The following SCHIP1 variants were observed in gnomAD, a reference collection of about 807,000 sequenced individuals.
SCHIP1 encodes the protein schwannomin interacting protein 1, also known as schwannomin-interacting protein 1.
SCHIP1 carries 8 observed loss-of-function variants against 29.7 expected under a neutral mutation model. That is an observed-to-expected ratio of 0.27 (90% CI 0.16 to 0.49). The LOEUF is 0.49. SCHIP1 is among the 20% of genes least tolerant of loss of function. SCHIP1 has a pLI of 0.99. For missense variants in SCHIP1, 193 were observed against 294.6 expected (o/e 0.66, Z 2.52); for synonymous variants, 76 against 94.9 (o/e 0.80, Z 1.16).
chr3:159,615,727 G>C, the SCHIP1 span, among the ~76,000 whole-genome samples: 2 of 152,206 alleles, frequency 1.3e-5, no homozygotes, highest in African/African-American at 4.8e-5. Context: ...GGGAGATGCA[G>C]AAACGATGAG....
At chr3:159,669,949 C>T in the SCHIP1 span, among the ~76,000 whole-genome samples, 4 of 152,146 alleles carry the variant, frequency 2.6e-5, no homozygotes, top group Non-Finnish European at 4.4e-5. Context: ...CTGCGTGAGT[C>T]AGTGTCTATT....
chr3:159,673,092 G>C, the SCHIP1 span, among the ~76,000 whole-genome samples: 4 of 152,120 alleles, frequency 2.6e-5, no homozygotes, highest in South Asian at 2.1e-4. Flanking sequence ...TTCTAAAAAG[G>C]CTCCTCAATG....
At chr3:159,300,113 C>CTT in the SCHIP1 span, among the ~76,000 whole-genome samples, 232 of 45,378 alleles carry the variant, frequency 5.1e-3, 45 homozygotes, top group African/African-American at 6.8e-3. Context: ...GGGAAAGCTG[C>CTT]TTTTTTTTTT....
the SCHIP1 span, among the ~76,000 whole-genome samples, chr3:159,350,528 T>A: frequency 6.6e-6 from 1 of 152,140 alleles, no homozygotes; most frequent in Non-Finnish European, 1.5e-5. Flanking sequence ...GATGATAAAA[T>A]AGGAATTGGA....
chr3:159,336,042 G>A, the SCHIP1 span, among the ~76,000 whole-genome samples: 6 of 152,190 alleles, frequency 3.9e-5, no homozygotes, highest in African/African-American at 1.4e-4. Flanking sequence ...CATTCTAAGT[G>A]GTGTGAGAAG....
chr3:159,328,128 A>G, the SCHIP1 span, among the ~76,000 whole-genome samples: 1 of 152,204 alleles, frequency 6.6e-6, no homozygotes, highest in Non-Finnish European at 1.5e-5. Context: ...AATTTAAATT[A>G]CCGAAAATTA....
the SCHIP1 span, among the ~76,000 whole-genome samples, chr3:159,381,095 G>A: frequency 2.6e-5 from 4 of 152,156 alleles, no homozygotes; most frequent in Non-Finnish European, 5.9e-5. Context: ...GTTTATGAGT[G>A]CTCTTGTGTG....
At chr3:159,426,323 T>C in the SCHIP1 span, among the ~76,000 whole-genome samples, 3 of 151,922 alleles carry the variant, frequency 2.0e-5, no homozygotes, top group African/African-American at 7.3e-5. Context: ...AAGAATCAAA[T>C]AGACGCAATA....
chr3:159,748,095 ACAT>A, the SCHIP1 span, among the ~76,000 whole-genome samples: 2 of 152,188 alleles, frequency 1.3e-5, no homozygotes, highest in Non-Finnish European at 1.5e-5. Flanking sequence ...AAGTTTAATA[ACAT>A]CATTTTTATA....
At chr3:159,826,107 G>T in the SCHIP1 span, among the ~76,000 whole-genome samples, 3 of 152,182 alleles carry the variant, frequency 2.0e-5, no homozygotes, top group Non-Finnish European at 4.4e-5. Context: ...GAAAACCGAG[G>T]AGTTTGAAAC....
intron 2 of SCHIP1, among the ~76,000 whole-genome samples, chr3:159,875,021 A>G (rs1438522755): frequency 1.3e-5 from 2 of 150,708 alleles, no homozygotes; most frequent in African/African-American, 2.4e-5. Context: ...GGTAGTCTAA[A>G]AAAAAAAAAA....
intron 3 of SCHIP1, 46 bp downstream of exon 4, chr3:159,886,370 G>T: frequency 6.4e-7 from 1 of 1,560,594 alleles, no homozygotes; most frequent in South Asian, 1.1e-5. Context: ...GTGATTTCCG[G>T]GCCATTTAGC....
chr3:159,705,269 T>C, the SCHIP1 span, among the ~76,000 whole-genome samples: 3 of 152,046 alleles, frequency 2.0e-5, no homozygotes, highest in Admixed American at 6.6e-5. Context: ...CGGACAACAA[T>C]ACAATATTTT....
the SCHIP1 span, among the ~76,000 whole-genome samples, chr3:159,645,302 C>T: frequency 1.3e-5 from 2 of 152,114 alleles, no homozygotes; most frequent in African/African-American, 2.4e-5. Context: ...ACAAGGCAGG[C>T]TGCCTATTAC....
chr3:159,655,407 A>C, the SCHIP1 span, among the ~76,000 whole-genome samples: 1 of 152,060 alleles, frequency 6.6e-6, no homozygotes, highest in Non-Finnish European at 1.5e-5. Flanking sequence ...GATGGTGATG[A>C]TGATGATGAT....
At chr3:159,438,792 C>T in the SCHIP1 span, among the ~76,000 whole-genome samples, 2 of 152,138 alleles carry the variant, frequency 1.3e-5, no homozygotes, top group African/African-American at 4.8e-5. Flanking sequence ...CCTCTAGCTC[C>T]ATCCATGTCC....
the SCHIP1 span, among the ~76,000 whole-genome samples, chr3:159,809,774 GT>G: frequency 1.4e-4 from 21 of 152,276 alleles, no homozygotes; most frequent in East Asian, 3.9e-3. Flanking sequence ...GCCGAGGCAG[GT>G]GGATCATTTG....
chr3:159,608,316 A>T, the SCHIP1 span, among the ~76,000 whole-genome samples: 2 of 152,228 alleles, frequency 1.3e-5, no homozygotes, highest in African/African-American at 4.8e-5. Flanking sequence ...CATATCGCTT[A>T]ATATGTATAT....
the SCHIP1 span, among the ~76,000 whole-genome samples, chr3:159,797,510 T>A: frequency 6.6e-6 from 1 of 152,214 alleles, no homozygotes; most frequent in African/African-American, 2.4e-5. Context: ...AATGTAAATC[T>A]AATGATTAGA....
Sources: allele counts gnomAD v4.1 joint callset (sites outside exome capture counted in the v4.1 genomes callset), GRCh38; gene constraint gnomAD v4.1.1; transcripts MANE v1.5; gene names NCBI Gene and HGNC (gene_info 2026-07-23, HGNC 2026-07-21).